CNTNAP5: variants seen among roughly 807,000 people sequenced by gnomAD.
CNTNAP5 encodes contactin-associated protein-like 5.
A neutral mutation model predicts 150.2 loss-of-function variants in CNTNAP5; 72 were observed. That is an observed-to-expected ratio of 0.48 (90% confidence interval 0.40 to 0.58). CNTNAP5 has a LOEUF of 0.58. CNTNAP5 is among the 20% of genes least tolerant of loss of function. The pLI is 0.00. For synonymous variants in CNTNAP5, 672 were observed against 619.8 expected, an observed-to-expected ratio of 1.08 and a Z score of -1.25; for missense variants, 1,636 against 1,626.2, an observed-to-expected ratio of 1.01 and a Z score of -0.10.
intron 19 of CNTNAP5, among the ~76,000 whole-genome samples, chr2:124,816,064 T>C (rs988077433): frequency 6.6e-6 from 1 of 152,236 alleles, no homozygotes; most frequent in African/African-American, 2.4e-5. Flanking sequence ...GGTCTGTGTC[T>C]TACCGTTAGC....
At chr2:124,646,155 ACTCT>A (rs1368706404) in intron 12 of CNTNAP5, among the ~76,000 whole-genome samples, 1 of 151,978 alleles carries the variant, frequency 6.6e-6, no homozygotes, top group African/African-American at 2.4e-5. Flanking sequence ...TTAAAATCAT[ACTCT>A]CTTTTTCTCC....
At chr2:124,408,090 A>G (rs1427540276) in intron 3 of CNTNAP5, among the ~76,000 whole-genome samples, 1 of 152,212 alleles carries the variant, frequency 6.6e-6, no homozygotes, top group African/African-American at 2.4e-5. Context: ...GGGGTCAGGG[A>G]GTTCCCTTTC....
At chr2:124,435,062 G>C (rs1692493930) in intron 5 of CNTNAP5, among the ~76,000 whole-genome samples, 1 of 152,166 alleles carries the variant, frequency 6.6e-6, no homozygotes, top group African/African-American at 2.4e-5. Context: ...GAGGGAAAAT[G>C]ACGGGGAAAC....
chr2:124,139,584 G>A (rs1164360976), intron 1 of CNTNAP5, among the ~76,000 whole-genome samples: 1 of 152,112 alleles, frequency 6.6e-6, no homozygotes, highest in East Asian at 1.9e-4. Context: ...GCCACGTGAG[G>A]CAGGTGCCTG....
intron 3 of CNTNAP5, among the ~76,000 whole-genome samples, chr2:124,410,491 T>G (rs1272340937): frequency 1.4e-5 from 2 of 144,420 alleles, no homozygotes; most frequent in African/African-American, 2.5e-5. Context: ...AAAGCTCTCC[T>G]CAGCAAATGT....
chr2:124,838,308 C>G (rs925235926), intron 19 of CNTNAP5, among the ~76,000 whole-genome samples: 1 of 152,024 alleles, frequency 6.6e-6, no homozygotes, highest in African/African-American at 2.4e-5. Flanking sequence ...TTTTTCCAGG[C>G]TTTCACAGGT....
chr2:124,325,320 A>G (rs558883321), intron 3 of CNTNAP5, among the ~76,000 whole-genome samples: 2 of 152,314 alleles, frequency 1.3e-5, no homozygotes, highest in East Asian at 3.9e-4. Context: ...TGTTTTGTTT[A>G]TAAGCCAACT....
chr2:124,913,754 A>G (rs931317856), intron 23 of CNTNAP5, among the ~76,000 whole-genome samples: 1 of 152,074 alleles, frequency 6.6e-6, no homozygotes, highest in Non-Finnish European at 1.5e-5. Context: ...TGATTCTGAC[A>G]CATTATTTAT....
chr2:124,176,864 C>G (rs6747933), intron 1 of CNTNAP5, among the ~76,000 whole-genome samples: 135,669 of 139,966 alleles, frequency 0.97, 65,784 homozygotes, highest in East Asian at 1. Flanking sequence ...TTTTTTTTTA[C>G]ATGGCGTTTC....
chr2:124,764,189 A>C, intron 16 of CNTNAP5, 42 bp downstream of exon 16: 2 of 1,541,132 alleles, frequency 1.3e-6, no homozygotes, highest in Non-Finnish European at 1.8e-6. Flanking sequence ...CTGATCAACA[A>C]ACAAGTTTTA....
chr2:124,235,179 A>G (rs1686718285), intron 2 of CNTNAP5, among the ~76,000 whole-genome samples: 2 of 152,308 alleles, frequency 1.3e-5, no homozygotes, highest in East Asian at 3.9e-4. Context: ...CACTGGGACC[A>G]GCCTTTTGAA....
At chr2:124,086,978 T>A (rs1312109146) in intron 1 of CNTNAP5, among the ~76,000 whole-genome samples, 1 of 151,802 alleles carries the variant, frequency 6.6e-6, no homozygotes, top group Non-Finnish European at 1.5e-5. Flanking sequence ...TTATATAGCT[T>A]TATTAGTAAC....
chr2:124,777,059 C>A (rs1203591831), intron 17 of CNTNAP5, among the ~76,000 whole-genome samples: 3 of 151,592 alleles, frequency 2.0e-5, no homozygotes, highest in African/African-American at 7.3e-5. Flanking sequence ...TGAGCGCTAG[C>A]GGGCAGGTCC....
chr2:124,815,507 T>C (rs573745256), intron 19 of CNTNAP5, among the ~76,000 whole-genome samples: 127 of 152,304 alleles, frequency 8.3e-4, no homozygotes, highest in South Asian at 2.1e-3. Context: ...CGGAAACTTA[T>C]TTCCCCAGAG....
At chr2:124,318,069 G>A (rs571151919) in intron 3 of CNTNAP5, among the ~76,000 whole-genome samples, 3 of 152,304 alleles carry the variant, frequency 2.0e-5, no homozygotes, top group East Asian at 1.9e-4. Flanking sequence ...AGACTGGGAC[G>A]ATGAGCTGAG....
At chr2:124,616,406 T>C (rs1677494390) in intron 12 of CNTNAP5, among the ~76,000 whole-genome samples, 1 of 152,258 alleles carries the variant, frequency 6.6e-6, no homozygotes, top group Non-Finnish European at 1.5e-5. Flanking sequence ...CTTCCTCACC[T>C]CTCTCAGCCT....
At chr2:124,262,833 T>A (rs1425235655) in intron 3 of CNTNAP5, among the ~76,000 whole-genome samples, 7 of 118,912 alleles carry the variant, frequency 5.9e-5, no homozygotes, top group Middle Eastern at 5.6e-3. Context: ...CAGTGTGTGA[T>A]GTTCCCCTTC....
chr2:124,359,102 G>A (rs1459563435), intron 3 of CNTNAP5, among the ~76,000 whole-genome samples: 2 of 151,926 alleles, frequency 1.3e-5, no homozygotes, highest in Non-Finnish European at 2.9e-5. Context: ...AGAGGTGTTT[G>A]TAGTATTCTC....
chr2:124,573,669 A>G (rs1015239520), intron 11 of CNTNAP5, among the ~76,000 whole-genome samples: 12 of 152,234 alleles, frequency 7.9e-5, no homozygotes, highest in African/African-American at 2.9e-4. Flanking sequence ...CCAGAAAAAT[A>G]CAAAGCTCTA....
Sources: gnomAD v4.1 joint callset for allele counts (sites outside exome capture counted in the v4.1 genomes callset) on GRCh38, gnomAD v4.1.1 for gene constraint, MANE v1.5 for transcripts, NCBI Gene and HGNC (gene_info 2026-07-23, HGNC 2026-07-21) for gene names.